The following RUSF1 variants were observed in gnomAD, a reference collection of about 807,000 sequenced individuals.
RUSF1 encodes the protein RUS1 family protein C16orf58.
A neutral mutation model predicts 63.0 loss-of-function variants in RUSF1; 58 were observed. The ratio of observed to expected loss-of-function variants is 0.92; its 90% CI spans 0.75 to 1.15. The LOEUF is 1.15. Among genes scored for constraint, RUSF1 ranks in the 50% most tolerant of loss-of-function variants. The pLI is 0.00. For missense variants in RUSF1, 652 were observed against 611.0 expected (o/e 1.07, Z -0.71); for synonymous variants, 274 against 255.8 (o/e 1.07, Z -0.68).
chr16:31,496,832 C>A lies in RUSF1; in HGVS notation c.702+17G>T. 1 of 1,558,666 alleles carries A rather than the reference C, an allele frequency of 6.4e-7. No individual in the cohort carries two copies. The highest frequency in any genetic ancestry group is 1.2e-5 in the South Asian group (1 of 83,918). On this transcript the variant is annotated intron_variant, in intron 6 of 12. Transcript: ENST00000327237. ...CCCCTCCCCACTCCACGCCCTCCCT[C>A]CAGCTCTGGCACTCACCTGGCTGCT...
intron 6 of RUSF1, 150 bp downstream of exon 6, chr16:31,496,699 C>G (rs999486254): frequency 1.4e-6 from 1 of 691,726 alleles, no homozygotes; most frequent in African/African-American, 1.8e-5. Context: ...GCCACCAGAG[C>G]CCAAACCCCT....
At chr16:31,497,101 T>A in intron 5 of RUSF1, 151 bp from the exon 6 acceptor site, 1 of 595,920 alleles carries the variant, frequency 1.7e-6, no homozygotes, top group Non-Finnish European at 2.9e-6. Context: ...AGGCTCAACT[T>A]CCCTGTCCTG....
At chr16:31,498,497 G>C (rs567673875) in intron 5 of RUSF1, among the ~76,000 whole-genome samples, 2 of 152,292 alleles carry the variant, frequency 1.3e-5, no homozygotes, top group East Asian at 3.9e-4. Flanking sequence ...TTGACACATG[G>C]GCCTTGGAAT....
Position 31,498,335 on chromosome 16 carries a change from C to T in RUSF1, c.600+967G>A, listed in dbSNP as rs78945800. On this transcript the variant is annotated intron_variant, in intron 5 of 12. Coordinates refer to ENST00000327237, the MANE Select transcript of RUSF1 (RefSeq NM_022744.4). ...ACAACCCTCGGTCCATAGCTACAGCCATGCTTTTCTCTGGGGTTTCCTACC... is the reference window on the plus strand; with the variant it reads ...ACAACCCTCGGTCCATAGCTACAGCTATGCTTTTCTCTGGGGTTTCCTACC... Among the ~76,000 whole-genome samples, 749 of 152,232 alleles carry T rather than the reference C, an allele frequency of 4.9e-3. 7 individuals are homozygous for T. The highest frequency in any genetic ancestry group is 0.017 in the African/African-American group (719 of 41,556).
chr16:31,489,730 C>T lies in RUSF1; in HGVS notation c.*1105G>A, dbSNP rs760026789. The T allele has an allele frequency of 1.8e-5, 8 of 446,888 alleles. No homozygotes were observed. Among genetic ancestry groups the T allele is most frequent in the Non-Finnish European group, 3.3e-5 (8 of 240,524 alleles). 27.7% of individuals were successfully genotyped at this position (446,888 alleles called of 1,614,324 possible). ...GTGGGGTGAGGACAGGACAAGAGAT[C>T]TGGGTGTGGAAGGATGGCCGGGTTT... On this transcript the variant is annotated 3_prime_UTR_variant, in exon 13 of 13. Coordinates refer to ENST00000327237, the MANE Select transcript of RUSF1 (RefSeq NM_022744.4).
Position 31,508,235 on chromosome 16 carries a change from C to A in RUSF1, c.139G>T (p.Ala47Ser), listed in dbSNP as rs1344109106. The A allele has an allele frequency of 4.5e-6, 7 of 1,563,168 alleles. No individual in the cohort carries two copies. The Admixed American group carries it at 1.1e-4, about 25-fold the overall frequency. The change falls in exon 1 of 13, where the codon GCC becomes TCC. Residue 47 changes from alanine to serine, a missense_variant. By Grantham distance (99) the Ala-to-Ser change is moderately conservative. Transcript: ENST00000327237. ...CGTCCTTCAGGTTTGACCGTGAAGG[C>A]CCTGGAGAGCCCCCACCAGCGCCAG... ...GGWRWWGLSR[A>S]FTVKPEGRDA...
rs1174270218 is a variant in RUSF1, at chr16:31,491,630, T to TTG, written c.1309+378_1309+379insCA. ...TGTGCCCGACAGTCTTTTTTTTTTT[T>TTG]TTTTTTTTGAGAGAGGGTCTTGCTC... On this transcript the variant is annotated intron_variant, in intron 12 of 12. Transcript: ENST00000327237. Among the ~76,000 whole-genome samples, 897 of 150,450 alleles carry TTG rather than the reference T, an allele frequency of 6.0e-3. 16 individuals carry two copies. The highest frequency in any genetic ancestry group is 0.021 in the African/African-American group (860 of 40,876).
chr16:31,498,939 T>C (rs563910415), intron 5 of RUSF1, among the ~76,000 whole-genome samples: 5 of 152,296 alleles, frequency 3.3e-5, no homozygotes, highest in Non-Finnish European at 7.4e-5. Flanking sequence ...TGGTTTCCTT[T>C]CAAAGACGGG....
At chr16:31,501,074 C>T (rs2082630849) in intron 2 of RUSF1, among the ~76,000 whole-genome samples, 1 of 152,188 alleles carries the variant, frequency 6.6e-6, no homozygotes, top group South Asian at 2.1e-4. Flanking sequence ...TACTATTAAA[C>T]TCTTGCATGA....
intron 3 of RUSF1, 137 bp from the exon 4 acceptor site, chr16:31,499,662 C>T: frequency 1.3e-6 from 1 of 758,434 alleles, no homozygotes; most frequent in Non-Finnish European, 2.1e-6. Flanking sequence ...TCTGTCCCCA[C>T]AGCCGGTCAC....
intron 1 of RUSF1, 65 bp downstream of exon 1, chr16:31,508,009 C>A: frequency 6.5e-7 from 1 of 1,549,424 alleles, no homozygotes; most frequent in Non-Finnish European, 8.7e-7. Context: ...GTCTCAGTCA[C>A]CCGTCCATTA....
At chr16:31,507,570 T>G (rs920188823) in intron 2 of RUSF1, among the ~76,000 whole-genome samples, 194 bp downstream of exon 2, 1 of 152,190 alleles carries the variant, frequency 6.6e-6, no homozygotes, top group Admixed American at 6.5e-5. Context: ...GTGCGGCTGC[T>G]AGGCTGGTGA....
chr16:31,492,935 C>A (rs1358803958), intron 10 of RUSF1, 43 bp downstream of exon 10: 15 of 1,565,546 alleles, frequency 9.6e-6, no homozygotes, highest in Non-Finnish European at 9.6e-6. Context: ...AGAGGCTGAC[C>A]TGGGAGGGTG....
Position 31,490,670 on chromosome 16 carries a change from C to T in RUSF1, c.*165G>A, listed in dbSNP as rs1252853699. 5.5e-6 allele frequency: 6 copies of T among 1,089,420 alleles called. No homozygotes were observed. The highest frequency in any genetic ancestry group is 1.6e-5 in the African/African-American group (1 of 64,458). The allele number at this position is 1,089,420 out of a possible 1,614,324, so 67.5% of individuals were successfully genotyped here. ...CTCCCCTTCTCCCGGCCTTCCTCTG[C>T]CTGGGGCCCACTGCATCTGATTGGC... is the stretch of plus-strand genomic sequence containing the variant. On this transcript the variant is annotated 3_prime_UTR_variant, in exon 13 of 13. Coordinates refer to ENST00000327237, the MANE Select transcript of RUSF1 (RefSeq NM_022744.4).
Position 31,493,602 on chromosome 16 carries a change from C to T in RUSF1, c.958+1G>A. 1 of 1,614,212 alleles carries T rather than the reference C, an allele frequency of 6.2e-7. No homozygotes were observed. Among genetic ancestry groups the T allele is most frequent in the South Asian group, 1.1e-5 (1 of 91,088 alleles). On this transcript the variant is annotated splice_donor_variant, in intron 8 of 12. Coordinates refer to ENST00000327237, the MANE Select transcript of RUSF1 (RefSeq NM_022744.4). LOFTEE classifies it high-confidence loss of function. The stretch of plus-strand genomic sequence containing the variant: ...GGACCCGAGACCAGGGGCAGGGTCA[C>T]CTGTCCACAGCGGCTCCATGCGATT...
chr16:31,494,038 A>G, intron 6 of RUSF1, 102 bp from the exon 7 acceptor site: 1 of 1,279,556 alleles, frequency 7.8e-7, no homozygotes, highest in Non-Finnish European at 1.1e-6. Flanking sequence ...ACAACCTCCC[A>G]GGGCTCCTTA....
Position 31,508,388 on chromosome 16 carries a change from T to G in RUSF1, c.-15A>C. ...TCGTCAGCCATGCCGAGCTTTTGGA[T>G]CCCAGCCCCGCCCCTGCCGCACGGT... On this transcript the variant is annotated 5_prime_UTR_variant, in exon 1 of 13. Transcript: ENST00000327237. 6.8e-7 allele frequency: 1 copy of G among 1,476,638 alleles called. No individual in the cohort carries two copies. The highest frequency in any genetic ancestry group is 2.6e-5 in the East Asian group (1 of 38,532). 91.5% of individuals were successfully genotyped at this position (1,476,638 alleles called of 1,614,324 possible). A position where few individuals can be genotyped will look rare whatever the true frequency, so the allele number is the denominator to read the frequency against.
At chr16:31,507,975 G>A (rs2082669861) in intron 1 of RUSF1, 97 bp from the exon 2 acceptor site, 2 of 1,537,226 alleles carry the variant, frequency 1.3e-6, no homozygotes, top group East Asian at 2.5e-5. Flanking sequence ...AGGCATGTCA[G>A]ACCCCCCGCC....
chr16:31,505,071 G>A (rs879888994), intron 2 of RUSF1, among the ~76,000 whole-genome samples: 4 of 152,154 alleles, frequency 2.6e-5, no homozygotes, highest in Non-Finnish European at 4.4e-5. Context: ...ATGTGGCCTC[G>A]TGGGAAGGAA....
Sources: gnomAD v4.1 joint callset for allele counts (sites outside exome capture counted in the v4.1 genomes callset) on GRCh38, gnomAD v4.1.1 for gene constraint, MANE v1.5 for transcripts, NCBI Gene and HGNC (gene_info 2026-07-23, HGNC 2026-07-21) for gene names.